Variants in PRAG1 observed in about 807,000 individuals in gnomAD.
PRAG1 encodes the protein inactive tyrosine-protein kinase PRAG1.
Under a neutral mutation model 95.6 loss-of-function variants are expected in PRAG1, and 110 were observed. The ratio of observed to expected loss-of-function variants is 1.15; its 90% CI spans 0.99 to 1.35. The LOEUF (loss-of-function observed/expected upper bound fraction) is 1.35, where lower values mean the gene tolerates loss of function less well. Among genes scored for constraint, PRAG1 ranks in the 40% most tolerant of loss-of-function variants. The pLI is 0.00. For synonymous variants in PRAG1, 1,052 were observed against 819.4 expected, an observed-to-expected ratio of 1.28 and a Z score of -4.85; for missense variants, 2,554 against 1,864.7, an observed-to-expected ratio of 1.37 and a Z score of -6.81.
chr8:8,321,933 A>C (rs528497840), intron 5 of PRAG1, among the ~76,000 whole-genome samples: 1 of 152,334 alleles, frequency 6.6e-6, no homozygotes, highest in Admixed American at 6.5e-5. Context: ...TATTTTCATT[A>C]ACCCACCAGT....
intron 1 of PRAG1, 80 bp downstream of exon 1, chr8:8,386,241 C>G (rs936199122): frequency 2.6e-5 from 4 of 152,252 alleles, no homozygotes; most frequent in Non-Finnish European, 5.9e-5. Flanking sequence ...GCGATCGCAG[C>G]GCCCCTCCAA....
chr8:8,384,510 C>G (rs1800785540), intron 1 of PRAG1, among the ~76,000 whole-genome samples: 1 of 144,046 alleles, frequency 6.9e-6, no homozygotes, highest in Non-Finnish European at 1.5e-5. Context: ...AAGAAAAGAA[C>G]AAATGAAGCC....
chr8:8,334,109 G>A (rs1222861007), intron 4 of PRAG1, among the ~76,000 whole-genome samples: 1 of 152,152 alleles, frequency 6.6e-6, no homozygotes, highest in African/African-American at 2.4e-5. Flanking sequence ...TCCACAGTCA[G>A]AGCAGGTTCA....
Position 8,378,049 on chromosome 8 carries a change from G to A in PRAG1, c.360C>T (p.Leu120=), listed in dbSNP as rs760638117. The A allele has an allele frequency of 6.5e-7, 1 of 1,550,284 alleles. No homozygotes were observed. Among genetic ancestry groups the A allele is most frequent in the Non-Finnish European group, 8.7e-7 (1 of 1,148,820 alleles). Reference sequence around the variant, plus strand: ...GGGCATCCTCCTGCTTCGGGAGGGGGAGCTTGCCAGGGGCTCGTCTCCAGA... The same window carrying A: ...GGGCATCCTCCTGCTTCGGGAGGGGAAGCTTGCCAGGGGCTCGTCTCCAGA... The part of the protein sequence containing the change: ...QVIWRRAPGK[L]PLPKQEDAPV... Residue 120 remains leucine, a synonymous_variant, in exon 3 of 6, where the codon CTC becomes CTT. Coordinates refer to ENST00000615670, the MANE Select transcript of PRAG1 (RefSeq NM_001080826.3).
intron 3 of PRAG1, among the ~76,000 whole-genome samples, chr8:8,354,898 C>G (rs1052897359): frequency 6.6e-6 from 1 of 152,042 alleles, no homozygotes; most frequent in African/African-American, 2.4e-5. Flanking sequence ...ACTTCATATT[C>G]ATCATTGTAC....
chr8:8,338,596 G>T (rs1246091486), intron 4 of PRAG1, among the ~76,000 whole-genome samples: 2 of 152,186 alleles, frequency 1.3e-5, no homozygotes, highest in African/African-American at 4.8e-5. Flanking sequence ...TTTTAAGTAA[G>T]AACTGTCAGA....
chr8:8,334,522 A>G (rs1457749394), intron 4 of PRAG1, among the ~76,000 whole-genome samples: 1 of 151,852 alleles, frequency 6.6e-6, no homozygotes, highest in Non-Finnish European at 1.5e-5. Context: ...GGTTATTAGC[A>G]TTTTACAACT....
chr8:8,319,429 C>G (rs943517143), intron 5 of PRAG1, 127 bp from the exon 6 acceptor site: 1 of 616,666 alleles, frequency 1.6e-6, no homozygotes, highest in Non-Finnish European at 2.5e-6. Flanking sequence ...AAGAGCAATC[C>G]ATACACATGC....
chr8:8,331,188 G>A (rs918773075), intron 4 of PRAG1, among the ~76,000 whole-genome samples: 7 of 152,122 alleles, frequency 4.6e-5, no homozygotes, highest in African/African-American at 4.8e-5. Flanking sequence ...AAGTCCAGTC[G>A]GCTAGGGAGG....
At chr8:8,351,677 G>C (rs1008038491) in intron 3 of PRAG1, among the ~76,000 whole-genome samples, 5 of 152,160 alleles carry the variant, frequency 3.3e-5, no homozygotes, top group African/African-American at 1.2e-4. Context: ...TCCAGGAGGT[G>C]ACATATTCCT....
chr8:8,360,753 C>G (rs771466746), intron 3 of PRAG1, among the ~76,000 whole-genome samples: 1 of 152,172 alleles, frequency 6.6e-6, no homozygotes, highest in Non-Finnish European at 1.5e-5. Flanking sequence ...GTCCTTCATC[C>G]TTTTCTTGTT....
Position 8,377,394 on chromosome 8 carries a change from C to T in PRAG1, c.1015G>A (p.Asp339Asn), listed in dbSNP as rs201521501. Residue 339 changes from aspartate (D) to asparagine (N), a missense_variant, in exon 3 of 6, where the codon GAC becomes AAC. Coordinates refer to ENST00000615670, the MANE Select transcript of PRAG1 (RefSeq NM_001080826.3). ...SLTSEAAISSDGLSCGSGSGS... is the reference protein window; with the variant it reads ...SLTSEAAISSNGLSCGSGSGS... ...CTGCCGCTGCCACAAGAGAGGCCGT[C>T]GGAAGAAATGGCAGCCTCCGAGGTG... 7.6e-3 allele frequency: 11,994 copies of T among 1,584,814 alleles called. 70 individuals are homozygous for T. The highest frequency in any genetic ancestry group is 8.8e-3 in the Non-Finnish European group (10,277 of 1,166,836).
At chr8:8,370,799 C>A (rs1800168932) in intron 3 of PRAG1, among the ~76,000 whole-genome samples, 1 of 152,126 alleles carries the variant, frequency 6.6e-6, no homozygotes, top group Non-Finnish European at 1.5e-5. Flanking sequence ...AAACGAACTC[C>A]ACTCATGACA....
intron 3 of PRAG1, among the ~76,000 whole-genome samples, chr8:8,367,174 A>G (rs1248037909): frequency 6.6e-6 from 1 of 152,054 alleles, no homozygotes; most frequent in Non-Finnish European, 1.5e-5. Context: ...TGGTTCAACA[A>G]TATGCAGTCA....
chr8:8,318,855 G>C lies in PRAG1; in HGVS notation c.3520C>G (p.Pro1174Ala), dbSNP rs1798374561. ...PAPAPAPAPA[P>A]AAAAPPCSSA... ...GAGCAGGGAGGCGCGGCGGCGGCGG[G>C]GGCGGGAGCCGGGGCGGGGGCGGGG... Residue 1174 changes from proline to alanine, a missense_variant, in exon 6 of 6, where the codon CCC becomes GCC. By Grantham distance (27) the Pro-to-Ala change is conservative. Coordinates refer to ENST00000615670, the MANE Select transcript of PRAG1 (RefSeq NM_001080826.3). The surrounding 1 kb of genome is among the most constrained non-coding windows in gnomAD (Gnocchi z 4.2). 3.2e-6 allele frequency: 4 copies of C among 1,267,352 alleles called. No individual in the cohort carries two copies. The highest frequency in any genetic ancestry group is 1.7e-5 in the African/African-American group (1 of 60,024). The allele number at this position is 1,267,352 out of a possible 1,614,324, so 78.5% of individuals were successfully genotyped here.
chr8:8,333,647 C>T (rs970818306), intron 4 of PRAG1, among the ~76,000 whole-genome samples: 1 of 152,156 alleles, frequency 6.6e-6, no homozygotes, highest in Non-Finnish European at 1.5e-5. Context: ...TCTCTGCAGC[C>T]AAAATGAGAG....
intron 3 of PRAG1, among the ~76,000 whole-genome samples, chr8:8,365,539 A>G (rs1799971739): frequency 6.6e-6 from 1 of 150,808 alleles, no homozygotes; most frequent in Admixed American, 6.6e-5. Context: ...CAGGAGAATC[A>G]CTTAAGCCCA....
intron 1 of PRAG1, among the ~76,000 whole-genome samples, chr8:8,384,630 A>T (rs1000569122): frequency 6.1e-5 from 9 of 147,988 alleles, no homozygotes; most frequent in Non-Finnish European, 4.5e-5. Flanking sequence ...AAAAAAAAAA[A>T]AACCTCTTTT....
chr8:8,371,991 C>T (rs1212544549), intron 3 of PRAG1, among the ~76,000 whole-genome samples: 4 of 152,202 alleles, frequency 2.6e-5, no homozygotes, highest in Admixed American at 2.6e-4. Flanking sequence ...ATTTCTTAGT[C>T]ACCTGTCATC....
Sources: allele counts gnomAD v4.1 joint callset (sites outside exome capture counted in the v4.1 genomes callset), GRCh38; gene constraint gnomAD v4.1.1; non-coding constraint Gnocchi (gnomAD v3.1); transcripts MANE v1.5; gene names NCBI Gene and HGNC (gene_info 2026-07-23, HGNC 2026-07-21).